The following ERICH1 variants were observed in gnomAD, a reference collection of about 807,000 sequenced individuals.
ERICH1 encodes the protein glutamate-rich protein 1.
Under a neutral mutation model 39.6 loss-of-function variants are expected in ERICH1, and 56 were observed. The observed-to-expected ratio is 1.41, with a 90% CI of 1.14 to 1.77. ERICH1 has a LOEUF of 1.77. ERICH1 is among the 40% of genes most tolerant of loss of function. The pLI, the probability that ERICH1 is intolerant of heterozygous loss-of-function variation, is 0.00. For synonymous variants in ERICH1, 313 were observed against 223.6 expected, an observed-to-expected ratio of 1.40 and a Z score of -3.57; for missense variants, 826 against 575.4, an observed-to-expected ratio of 1.44 and a Z score of -4.45.
chr8:625,329 T>A (rs1260128559), intron 3 of ERICH1, among the ~76,000 whole-genome samples: 1 of 152,132 alleles, frequency 6.6e-6, no homozygotes, highest in Non-Finnish European at 1.5e-5. Flanking sequence ...GCAGCAGGAA[T>A]AAACCCTGAA....
At chr8:626,772 G>C (rs1157841492) in intron 3 of ERICH1, 1 of 218,920 alleles carries the variant, frequency 4.6e-6, no homozygotes, top group Non-Finnish European at 9.8e-6. Flanking sequence ...CTGTCTCTCA[G>C]TTGCAGAGTG....
chr8:673,622 G>C lies in ERICH1; in HGVS notation c.730C>G (p.Arg244Gly), dbSNP rs769709532. 1.3e-6 allele frequency: 2 copies of C among 1,549,276 alleles called. No homozygotes were observed. The highest frequency in any genetic ancestry group is 1.8e-6 in the Non-Finnish European group (2 of 1,130,834). Residue 244 changes from arginine (R) to glycine (G), a missense_variant, in exon 4 of 6, where the codon CGG becomes GGG. Physicochemically the swap from Arg to Gly is moderately radical, Grantham distance 125. Transcript: ENST00000262109. ...TCCGCACCCTCTTCCTGCCTGGCCC[G>C]TGTCAGGTCTTCCTCGCTAGCGTCC... is the stretch of plus-strand genomic sequence containing the variant. ...GADASEEDLT[R>G]ARQEEGADAS...
intron 3 of ERICH1, among the ~76,000 whole-genome samples, chr8:688,462 A>G (rs1377814651): frequency 6.6e-6 from 1 of 151,556 alleles, no homozygotes; most frequent in Non-Finnish European, 1.5e-5. Flanking sequence ...CAGGCTCACA[A>G]AGGAGCCTCC....
At chr8:708,539 C>G (rs1009857226) in intron 2 of ERICH1, among the ~76,000 whole-genome samples, 1 of 152,042 alleles carries the variant, frequency 6.6e-6, no homozygotes, top group South Asian at 2.1e-4. Context: ...CATGAAAAAA[C>G]CCAGACACAA....
intron 2 of ERICH1, among the ~76,000 whole-genome samples, chr8:694,628 G>T (rs1809709918): frequency 6.6e-6 from 1 of 152,202 alleles, no homozygotes; most frequent in South Asian, 2.1e-4. Context: ...ACAGTCACAG[G>T]CACCACGCAG....
chr8:625,094 C>A (rs938120946), intron 3 of ERICH1, among the ~76,000 whole-genome samples: 9 of 152,168 alleles, frequency 5.9e-5, no homozygotes, highest in African/African-American at 1.9e-4. Context: ...GGATTCCACG[C>A]CCATGATCCA....
rs1384144165 is a variant in ERICH1, at chr8:644,405, C to A, written c.976+24193G>T. ...AAAATTGTCAAAGTCAAGGAAGATT[C>A]TTTAGTGAGATTTTACTATGAAAGA... On this transcript the variant is annotated intron_variant, in intron 3 of 3. Transcript: ENST00000522706. Among the ~76,000 whole-genome samples the A allele has an allele frequency of 1.3e-4, 2 of 15,108 alleles. 1 individual carries two copies. Among genetic ancestry groups the A allele is most frequent in the Non-Finnish European group, 8.7e-4 (2 of 2,290 alleles). 9.9% of individuals were successfully genotyped at this position (15,108 alleles called of 152,430 possible).
At chr8:699,928 G>GACCCACACACGCGCACAGGCCCGCACAC (rs1811452249) in intron 2 of ERICH1, among the ~76,000 whole-genome samples, 1 of 67,708 alleles carries the variant, frequency 1.5e-5, no homozygotes, top group Non-Finnish European at 3.1e-5. Flanking sequence ...GGCCCGCACA[G>GACCCACACACGCGCACAGGCCCGCACAC]GCGCACAGAC....
intron 2 of ERICH1, among the ~76,000 whole-genome samples, chr8:701,327 G>A (rs541253466): frequency 1.8e-4 from 27 of 150,870 alleles, no homozygotes; most frequent in African/African-American, 6.6e-4. Flanking sequence ...CTGCCCTGCT[G>A]GACGGGAGCA....
chr8:676,571 G>A (rs1021751231), intron 3 of ERICH1, among the ~76,000 whole-genome samples: 3 of 152,112 alleles, frequency 2.0e-5, no homozygotes, highest in South Asian at 2.1e-4. Context: ...CTCCCTGACA[G>A]AAGGGTATCA....
At chr8:679,003 A>G (rs1249996304) in intron 3 of ERICH1, among the ~76,000 whole-genome samples, 1 of 151,384 alleles carries the variant, frequency 6.6e-6, no homozygotes, top group African/African-American at 2.4e-5. Flanking sequence ...GATCCCTCAC[A>G]GCTCCTACTC....
At chr8:730,382 A>G (rs887337049) in intron 1 of ERICH1, among the ~76,000 whole-genome samples, 2 of 152,236 alleles carry the variant, frequency 1.3e-5, no homozygotes, top group Admixed American at 1.3e-4. Flanking sequence ...AAACATGATT[A>G]TCAGTTTTAA....
chr8:728,839 T>C (rs1447758721), intron 1 of ERICH1, among the ~76,000 whole-genome samples: 1 of 152,186 alleles, frequency 6.6e-6, no homozygotes, highest in East Asian at 1.9e-4. Context: ...TTCTCATTAA[T>C]CCTGCAGAGT....
chr8:635,099 G>A (rs1798321344), intron 3 of ERICH1, among the ~76,000 whole-genome samples: 1 of 144,146 alleles, frequency 6.9e-6, no homozygotes, highest in African/African-American at 2.5e-5. Context: ...GAGCCACTCA[G>A]CTAAAAAAAA....
chr8:624,951 C>T (rs537172086), intron 3 of ERICH1, among the ~76,000 whole-genome samples: 1 of 152,202 alleles, frequency 6.6e-6, no homozygotes, highest in African/African-American at 2.4e-5. Context: ...TGGTCTTGAT[C>T]TCCTGACCTC....
At chr8:698,373 C>T (rs1159557241) in intron 2 of ERICH1, among the ~76,000 whole-genome samples, 1 of 152,056 alleles carries the variant, frequency 6.6e-6, no homozygotes, top group Non-Finnish European at 1.5e-5. Flanking sequence ...TGTGCACCAC[C>T]ACGCCCAGAT....
chr8:692,651 T>C, intron 2 of ERICH1, 39 bp from the exon 3 acceptor site: 4 of 1,535,518 alleles, frequency 2.6e-6, no homozygotes, highest in Non-Finnish European at 2.6e-6. Context: ...CTGGTAAATA[T>C]CACAAAATGC....
At chr8:716,699 T>C (rs544971161) in intron 1 of ERICH1, among the ~76,000 whole-genome samples, 6 of 152,308 alleles carry the variant, frequency 3.9e-5, no homozygotes, top group African/African-American at 1.4e-4. Context: ...GGCAGCTGCT[T>C]TGGAATAACC....
At chr8:639,363 G>T (rs1055258551) in intron 3 of ERICH1, among the ~76,000 whole-genome samples, 1 of 152,156 alleles carries the variant, frequency 6.6e-6, no homozygotes, top group Non-Finnish European at 1.5e-5. Flanking sequence ...ACATATCAAT[G>T]TATACCATCA....
Sources: allele counts gnomAD v4.1 joint callset (sites outside exome capture counted in the v4.1 genomes callset), GRCh38; gene constraint gnomAD v4.1.1; transcripts MANE v1.5; gene names NCBI Gene and HGNC (gene_info 2026-07-23, HGNC 2026-07-21).